Variants in LRRK2 observed in about 807,000 individuals in gnomAD.
LRRK2 encodes the protein leucine-rich repeat serine/threonine-protein kinase 2.
A neutral mutation model predicts 302.6 loss-of-function variants in LRRK2; 203 were observed. The observed-to-expected ratio is 0.67, with a 90% CI of 0.60 to 0.75. The LOEUF (loss-of-function observed/expected upper bound fraction) is 0.75. LRRK2 is among the 30% of genes least tolerant of loss of function. The pLI is 0.00. For synonymous variants in LRRK2, 1,066 were observed against 1,031.9 expected (o/e 1.03, Z -0.63); for missense variants, 2,830 against 2,951.0 (o/e 0.96, Z 0.95).
intron 7 of LRRK2, among the ~76,000 whole-genome samples, chr12:40,249,101 T>A (rs1431579902): frequency 1.3e-5 from 2 of 152,178 alleles, no homozygotes; most frequent in Admixed American, 1.3e-4. Context: ...CACTTATAGA[T>A]GAATAGGAGT....
At position 40,274,709 on chromosome 12, in the gene LRRK2, A is replaced by T; in HGVS notation, c.1783A>T (p.Met595Leu). Residue 595 changes from methionine to leucine, a missense_variant, in exon 15 of 51, where the codon ATG becomes TTG. Physicochemically the swap from Met to Leu is conservative, Grantham distance 15. Transcript: ENST00000298910. ...GGATTCAGTGCTTCACACACTGCAG[A>T]TGTATCCAGATGACCAAGGTCAGTA... is the stretch of plus-strand genomic sequence containing the variant. ...AMDSVLHTLQ[M>L]YPDDQEIQCL... 2 of 1,614,074 alleles carry T rather than the reference A, an allele frequency of 1.2e-6. No individual in the cohort carries two copies. The highest frequency in any genetic ancestry group is 2.2e-5 in the South Asian group (2 of 91,084).
chr12:40,277,794 G>A (rs1043614174), intron 16 of LRRK2, 94 bp from the exon 17 acceptor site: 2 of 1,149,408 alleles, frequency 1.7e-6, no homozygotes, highest in Middle Eastern at 2.8e-4. Context: ...AACATCCTAG[G>A]TATTGTTTCA....
intron 16 of LRRK2, among the ~76,000 whole-genome samples, chr12:40,276,559 G>A (rs1020481308): frequency 6.6e-6 from 1 of 152,188 alleles, no homozygotes; most frequent in Admixed American, 6.5e-5. Flanking sequence ...GACTCCCAAA[G>A]TGTTGGGATT....
At position 40,359,406 on chromosome 12, in the gene LRRK2, C is replaced by T. The variant is rs1417605680; in HGVS notation, c.6990C>T (p.Phe2330=). Residue 2330 remains phenylalanine, a synonymous_variant, in exon 47 of 51, where the codon TTC becomes TTT. Transcript: ENST00000298910. The part of the protein sequence containing the change: ...GTKIFSFSND[F]TIQKLIETRT... ...AGATTTTCTCCTTTTCTAATGATTT[C>T]ACCATTCAGAAACTCATTGAGACAA... The T allele has an allele frequency of 6.2e-7, 1 of 1,613,282 alleles. No homozygotes were observed. Among genetic ancestry groups the T allele is most frequent in the African/African-American group, 1.3e-5 (1 of 74,994 alleles).
At chr12:40,282,139 C>G (rs1449266410) in intron 18 of LRRK2, among the ~76,000 whole-genome samples, 1 of 121,974 alleles carries the variant, frequency 8.2e-6, no homozygotes, top group Non-Finnish European at 1.7e-5. Flanking sequence ...CCTCCCCTCC[C>G]CTCCCTTCTC....
intron 19 of LRRK2, among the ~76,000 whole-genome samples, chr12:40,285,999 T>C (rs866212506): frequency 6.6e-6 from 1 of 152,178 alleles, no homozygotes; most frequent in Middle Eastern, 3.4e-3. Flanking sequence ...ACTAGTCTTA[T>C]GCCAAAAACC....
intron 28 of LRRK2, among the ~76,000 whole-genome samples, chr12:40,307,028 A>T (rs953274443): frequency 1.3e-5 from 2 of 151,418 alleles, no homozygotes; most frequent in South Asian, 4.1e-4. Context: ...ATACTGTATT[A>T]TCTAACTAAA....
At chr12:40,327,512 G>A (rs920374164) in intron 38 of LRRK2, among the ~76,000 whole-genome samples, 1 of 152,156 alleles carries the variant, frequency 6.6e-6, no homozygotes, top group Non-Finnish European at 1.5e-5. Context: ...CTCCAGCCTT[G>A]AGAATGAGAA....
chr12:40,274,259 A>G (rs1943356901), intron 14 of LRRK2, among the ~76,000 whole-genome samples: 1 of 152,174 alleles, frequency 6.6e-6, no homozygotes, highest in Non-Finnish European at 1.5e-5. Context: ...AGACTTTGAG[A>G]ATAGTTCTCA....
At chr12:40,327,258 G>A (rs1592293341) in intron 38 of LRRK2, among the ~76,000 whole-genome samples, 1 of 152,184 alleles carries the variant, frequency 6.6e-6, no homozygotes, top group South Asian at 2.1e-4. Context: ...AGGGTATGGA[G>A]GCCTGAAGGT....
intron 41 of LRRK2, among the ~76,000 whole-genome samples, chr12:40,346,222 A>AT (rs1946188403): frequency 6.6e-6 from 1 of 151,288 alleles, no homozygotes; most frequent in African/African-American, 2.4e-5. Flanking sequence ...TTTTATTTTT[A>AT]TTTTTTATTT....
At position 40,322,435 on chromosome 12, in the gene LRRK2, G is replaced by A; in HGVS notation, c.5434G>A (p.Ala1812Thr). Residue 1812 changes from alanine to threonine, a missense_variant, in exon 37 of 51, where the codon GCA becomes ACA. Ala to Thr is a moderately conservative substitution (Grantham distance 58, BLOSUM62 0). Transcript: ENST00000298910. ...GEGETLLKKW[A>T]LYSFNDGEEH... ...AGGAGAAACTCTGTTGAAGAAATGG[G>A]CATTATATAGTTTTAATGATGGTGA... 6.2e-7 allele frequency: 1 copy of A among 1,613,208 alleles called. No homozygotes were observed.
intron 19 of LRRK2, 105 bp downstream of exon 19, chr12:40,284,238 C>A: frequency 4.1e-6 from 4 of 984,178 alleles, no homozygotes; most frequent in South Asian, 1.8e-5. Flanking sequence ...GGACCTTAAG[C>A]CAAAGATATT....
intron 39 of LRRK2, among the ~76,000 whole-genome samples, chr12:40,331,717 C>G (rs1002142432): frequency 2.0e-5 from 3 of 152,180 alleles, no homozygotes; most frequent in Non-Finnish European, 4.4e-5. Context: ...GTTCTAGATA[C>G]TTCAGACTCT....
chr12:40,345,386 G>A (rs899969891), intron 41 of LRRK2, among the ~76,000 whole-genome samples: 2 of 151,942 alleles, frequency 1.3e-5, no homozygotes, highest in African/African-American at 4.8e-5. Flanking sequence ...ACTTTGGGAG[G>A]CCGAGGTGGG....
chr12:40,270,306 T>C (rs890304866), intron 14 of LRRK2, among the ~76,000 whole-genome samples: 6 of 152,140 alleles, frequency 3.9e-5, no homozygotes, highest in African/African-American at 1.4e-4. Flanking sequence ...AGATAATATT[T>C]ATATTCAGCT....
chr12:40,238,095 T>C lies in LRRK2; in HGVS notation c.563T>C (p.Phe188Ser), dbSNP rs551650159. ...GGATGCAAAGCTTTACATGTGCTGT[T>C]TGAGAGAGGTATTTTAAAATGTCAA... is the stretch of plus-strand genomic sequence containing the variant. ...KLGCKALHVLFERVSEEQLTE... is the reference protein window; with the variant it reads ...KLGCKALHVLSERVSEEQLTE... Residue 188 changes from phenylalanine to serine, a missense_variant, in exon 5 of 51, where the codon TTT becomes TCT. Coordinates refer to ENST00000298910, the MANE Select transcript of LRRK2 (RefSeq NM_198578.4). The C allele has an allele frequency of 3.8e-5, 61 of 1,613,314 alleles. 1 individual carries two copies. In the South Asian group the frequency reaches 6.7e-4, roughly 18 times the overall value.
intron 39 of LRRK2, among the ~76,000 whole-genome samples, chr12:40,329,023 A>G (rs1945632615): frequency 6.6e-6 from 1 of 152,112 alleles, no homozygotes; most frequent in Admixed American, 6.5e-5. Context: ...TTCAGGGTGA[A>G]AGAAGAAGTT....
At chr12:40,355,478 A>T (rs1234114251) in intron 45 of LRRK2, among the ~76,000 whole-genome samples, 1 of 145,556 alleles carries the variant, frequency 6.9e-6, no homozygotes, top group Non-Finnish European at 1.5e-5. Context: ...TCTCCCACAG[A>T]CACTGGGGAA....
Sources: gnomAD v4.1 joint callset for allele counts (sites outside exome capture counted in the v4.1 genomes callset) on GRCh38, gnomAD v4.1.1 for gene constraint, MANE v1.5 for transcripts, NCBI Gene and HGNC (gene_info 2026-07-23, HGNC 2026-07-21) for gene names.